CLDN10: variants seen among roughly 807,000 people sequenced by gnomAD.
CLDN10 encodes the protein claudin-10.
In CLDN10, 15 loss-of-function variants were observed where a neutral mutation model predicts 22.9. The observed-to-expected ratio is 0.65, with a 90% CI of 0.44 to 1.01. The LOEUF (loss-of-function observed/expected upper bound fraction) is 1.01. Ranked by LOEUF, CLDN10 falls within the 50% of genes least tolerant of loss-of-function variation. The pLI, the probability that CLDN10 is intolerant of heterozygous loss-of-function variation, is 0.00. For missense variants in CLDN10, 247 were observed against 287.8 expected (o/e 0.86, Z 1.03); for synonymous variants, 114 against 111.4 (o/e 1.02, Z -0.15).
In CLDN10 at chr13:95,444,134, G is replaced by A. The variant is rs561842318; in HGVS notation, c.214+10087G>A. Among the ~76,000 whole-genome samples the A allele has an allele frequency of 1.3e-4, 20 of 152,286 alleles. 1 individual carries two copies. The South Asian group carries it at 2.5e-3, about 19-fold the overall frequency. ...CATTGCCCATCTGGCTGTCTCCACC[G>A]CACAGCTTTCCTCGCGCCTCACAGA... On this transcript the variant is annotated intron_variant, in intron 1 of 4. Coordinates refer to the CLDN10 transcript ENST00000376873.
chr13:95,492,755 C>T (rs2042887361), intron 1 of CLDN10, among the ~76,000 whole-genome samples: 1 of 152,128 alleles, frequency 6.6e-6, no homozygotes, highest in South Asian at 2.1e-4. Context: ...GTTTTACCCC[C>T]TTCTCCTCTG....
rs148848608 is a variant in CLDN10, at chr13:95,448,643, G to A, written c.214+14596G>A. 2.0e-5 allele frequency among the ~76,000 whole-genome samples: 3 copies of A among 152,296 alleles called. No individual in the cohort carries two copies. The East Asian group carries it at 5.8e-4, about 29-fold the overall frequency. On this transcript the variant is annotated intron_variant, in intron 1 of 4. Coordinates refer to the CLDN10 transcript ENST00000376873. ...AGAAAAGTTAGCTCCTGCCTCCCCA[G>A]ATGCCTCTCATAGGCCTATGGGGGC...
chr13:95,488,287 C>T (rs192097819), intron 1 of CLDN10, among the ~76,000 whole-genome samples: 2 of 151,866 alleles, frequency 1.3e-5, no homozygotes, highest in African/African-American at 4.8e-5. Context: ...AAGTATCCAC[C>T]CACCTCGGCC....
chr13:95,465,465 C>T lies in CLDN10; in HGVS notation c.214+31418C>T, dbSNP rs868103281. Among the ~76,000 whole-genome samples, 3 of 152,296 alleles carry T rather than the reference C, an allele frequency of 2.0e-5. No individual in the cohort carries two copies. In the South Asian group the frequency reaches 6.2e-4, roughly 32 times the overall value. On this transcript the variant is annotated intron_variant, in intron 1 of 4. Transcript: ENST00000376873. ...TGAAACAATAAGCAAAATGCTGAGACTTTAAGGTTAAGTAATTTGCTTACA... is the reference window on the plus strand; with the variant it reads ...TGAAACAATAAGCAAAATGCTGAGATTTTAAGGTTAAGTAATTTGCTTACA...
intron 1 of CLDN10, among the ~76,000 whole-genome samples, chr13:95,461,936 A>G (rs1484915189): frequency 1.4e-5 from 2 of 147,072 alleles, no homozygotes; most frequent in African/African-American, 5.0e-5. Context: ...TACAAAAAGT[A>G]AAAAAAAAAA....
chr13:95,476,804 G>A (rs926108730), intron 1 of CLDN10, among the ~76,000 whole-genome samples: 2 of 151,958 alleles, frequency 1.3e-5, no homozygotes, highest in African/African-American at 4.8e-5. Context: ...TGAGTCTCGG[G>A]GGCACCTTCA....
At chr13:95,435,628 A>G (rs1411791473) in intron 1 of CLDN10, among the ~76,000 whole-genome samples, 4 of 152,282 alleles carry the variant, frequency 2.6e-5, no homozygotes, top group Non-Finnish European at 5.9e-5. Flanking sequence ...TGATCCTTCT[A>G]ATATAGAACA....
chr13:95,577,335 C>A lies in CLDN10; in HGVS notation c.569C>A (p.Pro190His). Residue 190 changes from proline (P) to histidine (H), a missense_variant, in exon 4 of 5, where the codon CCC becomes CAC. Physicochemically the swap from Pro to His is moderately conservative, Grantham distance 77 (BLOSUM62 -2). Transcript: ENST00000299339. Reference sequence around the variant, plus strand: ...TCAATATCTGACAACAACAAAACACCCAGGTATGAAAAAGAGACAAAAATG... The same window carrying A: ...TCAATATCTGACAACAACAAAACACACAGGTATGAAAAAGAGACAAAAATG... ...CFSISDNNKT[P>H]RYTYNGATSV... 6.2e-7 allele frequency: 1 copy of A among 1,601,730 alleles called. No homozygotes were observed. The highest frequency in any genetic ancestry group is 8.6e-7 in the Non-Finnish European group (1 of 1,169,100).
At chr13:95,441,830 T>C (rs1350194405) in intron 1 of CLDN10, among the ~76,000 whole-genome samples, 1 of 152,214 alleles carries the variant, frequency 6.6e-6, no homozygotes, top group Admixed American at 6.5e-5. Context: ...TGAGCTTCAG[T>C]GTTCTTTCCT....
chr13:95,482,606 C>T (rs562404671), intron 1 of CLDN10, among the ~76,000 whole-genome samples: 1 of 152,274 alleles, frequency 6.6e-6, no homozygotes, highest in South Asian at 2.1e-4. Context: ...GCTGTGTTAC[C>T]CAGGAGCTCA....
chr13:95,438,752 G>A (rs1177653165), intron 1 of CLDN10, among the ~76,000 whole-genome samples: 1 of 152,122 alleles, frequency 6.6e-6, no homozygotes, highest in Non-Finnish European at 1.5e-5. Flanking sequence ...GCCAAGGCAG[G>A]TGGATCACCT....
At chr13:95,524,257 C>A (rs906967626) in intron 1 of CLDN10, among the ~76,000 whole-genome samples, 1 of 152,036 alleles carries the variant, frequency 6.6e-6, no homozygotes, top group African/African-American at 2.4e-5. Context: ...ATGAATGAGG[C>A]CTTTCACACG....
chr13:95,484,494 A>G (rs2042781057), intron 1 of CLDN10, among the ~76,000 whole-genome samples: 1 of 152,140 alleles, frequency 6.6e-6, no homozygotes, highest in Non-Finnish European at 1.5e-5. Context: ...TCCCCTGAAA[A>G]GAGGTGTTAC....
intron 1 of CLDN10, among the ~76,000 whole-genome samples, chr13:95,511,346 A>T (rs747721574): frequency 6.6e-6 from 1 of 152,034 alleles, no homozygotes; most frequent in Admixed American, 6.5e-5. Flanking sequence ...AAGAGAAAAA[A>T]ACCCTAAATC....
At chr13:95,547,024 G>A (rs925443968) in intron 1 of CLDN10, among the ~76,000 whole-genome samples, 5 of 150,790 alleles carry the variant, frequency 3.3e-5, no homozygotes, top group African/African-American at 4.9e-5. Context: ...CCAAAGAGCT[G>A]GGACTACAGG....
chr13:95,543,238 T>A (rs973972134), intron 1 of CLDN10, among the ~76,000 whole-genome samples: 1 of 124,418 alleles, frequency 8.0e-6, no homozygotes, highest in Non-Finnish European at 1.7e-5. Flanking sequence ...TCTCAAAAAA[T>A]AAATAAATAA....
chr13:95,455,901 C>G (rs954829862), intron 1 of CLDN10, among the ~76,000 whole-genome samples: 1 of 152,212 alleles, frequency 6.6e-6, no homozygotes, highest in Non-Finnish European at 1.5e-5. Flanking sequence ...GTCACACTCC[C>G]TTACCAACCT....
chr13:95,503,641 A>G (rs2043008472), intron 1 of CLDN10, among the ~76,000 whole-genome samples: 1 of 152,208 alleles, frequency 6.6e-6, no homozygotes, highest in South Asian at 2.1e-4. Flanking sequence ...TATACTTACA[A>G]TGGAATATTA....
intron 1 of CLDN10, among the ~76,000 whole-genome samples, chr13:95,521,351 C>T (rs2043222648): frequency 6.6e-6 from 1 of 152,180 alleles, no homozygotes; most frequent in African/African-American, 2.4e-5. Context: ...CATAGAGTTC[C>T]TCTCTATTCC....
Sources: gnomAD v4.1 joint callset for allele counts (sites outside exome capture counted in the v4.1 genomes callset) on GRCh38, gnomAD v4.1.1 for gene constraint, MANE v1.5 for transcripts, NCBI Gene and HGNC (gene_info 2026-07-23, HGNC 2026-07-21) for gene names.